DSG3: variants seen among roughly 807,000 people sequenced by gnomAD.
The protein encoded by DSG3 is desmoglein-3.
Under a neutral mutation model 85.9 loss-of-function variants are expected in DSG3, and 63 were observed. The ratio of observed to expected loss-of-function variants is 0.73; its 90% CI spans 0.60 to 0.90. The LOEUF (loss-of-function observed/expected upper bound fraction) is 0.90, where lower values mean the gene tolerates loss of function less well. DSG3 is among the 40% of genes least tolerant of loss of function. The pLI, the probability that DSG3 is intolerant of heterozygous loss-of-function variation, is 0.00. For missense variants in DSG3, 1,220 were observed against 1,219.9 expected (o/e 1.00, Z 0.00); for synonymous variants, 447 against 441.9 (o/e 1.01, Z -0.14).
At position 31,464,214 on chromosome 18, in the gene DSG3, C is replaced by A. The variant is rs893360840; in HGVS notation, c.1103C>A (p.Thr368Asn). ...ATCTCTCGATACCGAGTTCAGTCAACCCCAGTCACAATTCAGGTAATAAAT... is the reference window on the plus strand; with the variant it reads ...ATCTCTCGATACCGAGTTCAGTCAAACCCAGTCACAATTCAGGTAATAAAT... ...SVISRYRVQS[T>N]PVTIQVINVR... Residue 368 changes from threonine (T) to asparagine (N), a missense_variant, in exon 9 of 16, where the codon ACC (threonine) becomes AAC (asparagine). Transcript: ENST00000257189. The A allele has an allele frequency of 1.9e-6, 3 of 1,614,008 alleles. No individual in the cohort carries two copies. In the African/African-American group the frequency reaches 4.0e-5, roughly 22 times the overall value.
At position 31,476,274 on chromosome 18, in the gene DSG3, G is replaced by C. The variant is rs1209419355; in HGVS notation, c.*14G>C. 6.3e-6 allele frequency: 10 copies of C among 1,593,434 alleles called. No homozygotes were observed. The highest frequency in any genetic ancestry group is 8.6e-6 in the Non-Finnish European group (10 of 1,168,830). Reference sequence around the variant, plus strand: ...CGTCTAATATGACCAGAATGAGCTGGAATACCACACTGACCAAATCTGGAT... The same window carrying C: ...CGTCTAATATGACCAGAATGAGCTGCAATACCACACTGACCAAATCTGGAT... On this transcript the variant is annotated 3_prime_UTR_variant, in exon 16 of 16. Coordinates refer to ENST00000257189, the MANE Select transcript of DSG3 (RefSeq NM_001944.3).
In DSG3 at chr18:31,476,248, C is replaced by G. The variant is rs1469254542; in HGVS notation, c.2988C>G (p.Ser996=). The G allele has an allele frequency of 1.2e-6, 2 of 1,607,800 alleles. No homozygotes were observed. The highest frequency in any genetic ancestry group is 1.7e-6 in the Non-Finnish European group (2 of 1,176,424). ...HTMLCTEDPC[S]RLI ...TGCTCTGTACAGAGGATCCTTGCTC[C>G]CGTCTAATATGACCAGAATGAGCTG... The change falls in exon 16 of 16, where the codon TCC becomes TCG. Residue 996 remains serine (S), a synonymous_variant. Transcript: ENST00000257189.
rs7244586 is a variant in DSG3, at chr18:31,473,041, A to C, written c.2101+253A>C. Reference sequence around the variant, plus strand: ...TCTAAAGATCTGTTATACTTTTTCCAAACTTTAGTGACGTGTAGTTCTCAG... The same window carrying C: ...TCTAAAGATCTGTTATACTTTTTCCCAACTTTAGTGACGTGTAGTTCTCAG... On this transcript the variant is annotated intron_variant, in intron 14 of 15. Coordinates refer to ENST00000257189, the MANE Select transcript of DSG3 (RefSeq NM_001944.3). Among the ~76,000 whole-genome samples the C allele has an allele frequency of 0.016, 2,405 of 152,332 alleles. 61 individuals are homozygous for C. Among genetic ancestry groups the C allele is most frequent in the African/African-American group, 0.055 (2,272 of 41,570 alleles).
intron 15 of DSG3, 43 bp downstream of exon 15, chr18:31,474,447 A>G (rs1312088561): frequency 3.9e-6 from 6 of 1,545,920 alleles, no homozygotes; most frequent in African/African-American, 2.8e-5. Flanking sequence ...TCTTATTTAC[A>G]TTAGAGAACT....
intron 12 of DSG3, 71 bp downstream of exon 12, chr18:31,469,420 C>A: frequency 1.3e-6 from 2 of 1,571,974 alleles, no homozygotes; most frequent in Non-Finnish European, 1.7e-6. Flanking sequence ...TGCTGCCCTG[C>A]TCATCTGTGC....
At chr18:31,448,545 T>C (rs1438806838) in intron 1 of DSG3, among the ~76,000 whole-genome samples, 1 of 152,034 alleles carries the variant, frequency 6.6e-6, no homozygotes, top group Non-Finnish European at 1.5e-5. Context: ...AATACTTCTG[T>C]TGATTGAGAA....
At chr18:31,457,210 A>G in intron 3 of DSG3, 86 bp downstream of exon 3, 1 of 1,396,664 alleles carries the variant, frequency 7.2e-7, no homozygotes, top group Non-Finnish European at 9.6e-7. Flanking sequence ...CCAAATAACA[A>G]AATGAAGACT....
intron 3 of DSG3, among the ~76,000 whole-genome samples, chr18:31,458,057 G>A (rs2072760129): frequency 6.6e-6 from 1 of 151,564 alleles, no homozygotes; most frequent in Admixed American, 6.6e-5. Context: ...TTCCCTTTTT[G>A]TCTCTCCACT....
Position 31,469,177 on chromosome 18 carries a change from G to A in DSG3, c.1725G>A (p.Arg575=). The A allele has an allele frequency of 6.2e-7, 1 of 1,614,190 alleles. No individual in the cohort carries two copies. The highest frequency in any genetic ancestry group is 1.1e-5 in the South Asian group (1 of 91,088). The change falls in exon 12 of 16, where the codon CGG becomes CGA. Residue 575 remains arginine (R), a synonymous_variant. Transcript: ENST00000257189. ...TACTTACAGACAGTCAGAACAATCG[G>A]TGTGAGATGCCACGCAGCTTGACAC... The part of the protein sequence containing the change: ...SLVLTDSQNN[R]CEMPRSLTLE...
intron 1 of DSG3, among the ~76,000 whole-genome samples, chr18:31,454,420 A>G (rs75656374): frequency 0.013 from 2,018 of 152,310 alleles, 31 homozygotes; most frequent in South Asian, 0.061. Flanking sequence ...TATAACCACA[A>G]GTAATGGTTC....
chr18:31,466,535 A>G lies in DSG3; in HGVS notation c.1417A>G (p.Thr473Ala). ...TAEVLAIDEY[T>A]GKTSTGTVYV... ...CTAAAACATTGTTCTTACAGAATAC[A>G]CGGGTAAAACTTCTACAGGCACGGT... Residue 473 changes from threonine to alanine, a missense_variant, in exon 11 of 16, where the codon ACG (threonine) becomes GCG (alanine). Coordinates refer to ENST00000257189, the MANE Select transcript of DSG3 (RefSeq NM_001944.3). 6.2e-7 allele frequency: 1 copy of G among 1,613,868 alleles called. No homozygotes were observed. The highest frequency in any genetic ancestry group is 8.5e-7 in the Non-Finnish European group (1 of 1,179,748).
At chr18:31,451,202 A>C (rs183982431) in intron 1 of DSG3, among the ~76,000 whole-genome samples, 19 of 152,210 alleles carry the variant, frequency 1.2e-4, no homozygotes, top group South Asian at 6.2e-4. Context: ...CTTTTGAAAA[A>C]AAAATTTATC....
At position 31,476,324 on chromosome 18, in the gene DSG3, G is replaced by T; in HGVS notation, c.*64G>T. The T allele has an allele frequency of 3.3e-6, 5 of 1,525,062 alleles. No individual in the cohort carries two copies. The highest frequency in any genetic ancestry group is 3.5e-6 in the Non-Finnish European group (4 of 1,134,948). 94.5% of individuals were successfully genotyped at this position (1,525,062 alleles called of 1,614,324 possible). A position where few individuals can be genotyped will look rare whatever the true frequency, so the allele number is the denominator to read the frequency against. On this transcript the variant is annotated 3_prime_UTR_variant, in exon 16 of 16. Transcript: ENST00000257189. ...TCTTTGGACTAAAGTATTCAAAATA[G>T]CATAGCAAAGCTCACTGTATTGGGC... is the stretch of plus-strand genomic sequence containing the variant.
At chr18:31,460,148 A>T in intron 6 of DSG3, 137 bp downstream of exon 6, 1 of 943,308 alleles carries the variant, frequency 1.1e-6, no homozygotes, top group South Asian at 2.0e-5. Flanking sequence ...ATCTAGGGAA[A>T]TTGTTTGCAT....
chr18:31,475,296 T>C (rs76617897), intron 15 of DSG3, among the ~76,000 whole-genome samples: 2,709 of 152,080 alleles, frequency 0.018, 56 homozygotes, highest in South Asian at 0.1. Flanking sequence ...AAGAGTGATA[T>C]TGTGTTTGAA....
Position 31,466,760 on chromosome 18 carries a change from T to A in DSG3, c.1636+6T>A. 1.2e-6 allele frequency: 2 copies of A among 1,612,350 alleles called. No homozygotes were observed. Among genetic ancestry groups the A allele is most frequent in the Non-Finnish European group, 1.7e-6 (2 of 1,178,576 alleles). The stretch of plus-strand genomic sequence containing the variant: ...GAGTATCACAACCCTCAATGGTGAG[T>A]AACAGTAAAGTTGCTTCTATAAATG... On this transcript the variant is annotated splice_donor_region_variant and intron_variant, in intron 11 of 15. Coordinates refer to ENST00000257189, the MANE Select transcript of DSG3 (RefSeq NM_001944.3).
At position 31,472,500 on chromosome 18, in the gene DSG3, G is replaced by C. The variant is rs545068060; in HGVS notation, c.2037+77G>C. ...TGATTTACATTGAGATAGGAAAAGA[G>C]GCAAAGAGATTTCTTGACCTTCAGT... On this transcript the variant is annotated intron_variant, in intron 13 of 15. Coordinates refer to ENST00000257189, the MANE Select transcript of DSG3 (RefSeq NM_001944.3). 6 of 1,511,084 alleles carry C rather than the reference G, an allele frequency of 4.0e-6. No individual in the cohort carries two copies. In the African/African-American group the frequency reaches 8.4e-5, roughly 21 times the overall value. The allele number at this position is 1,511,084 out of a possible 1,614,324, so 93.6% of individuals were successfully genotyped here. A position where few individuals can be genotyped will look rare whatever the true frequency, so the allele number is the denominator to read the frequency against.
intron 3 of DSG3, among the ~76,000 whole-genome samples, chr18:31,457,585 C>CTTTCTTTCTTCTTTCT (rs1555666278): frequency 8.2e-5 from 5 of 61,182 alleles, no homozygotes; most frequent in Admixed American, 5.2e-4. Flanking sequence ...TTCTTTCTTT[C>CTTTCTTTCTTCTTTCT]TTCTTTCTTT....
chr18:31,466,331 A>T (rs1428975748), intron 10 of DSG3, among the ~76,000 whole-genome samples, 199 bp from the exon 11 acceptor site: 1 of 152,234 alleles, frequency 6.6e-6, no homozygotes, highest in Non-Finnish European at 1.5e-5. Context: ...AGTTAGAGAC[A>T]TCAGCCTATT....
Sources: gnomAD v4.1 joint callset for allele counts (sites outside exome capture counted in the v4.1 genomes callset) on GRCh38, gnomAD v4.1.1 for gene constraint, MANE v1.5 for transcripts, NCBI Gene and HGNC (gene_info 2026-07-23, HGNC 2026-07-21) for gene names.